Variants in CUTC observed in about 807,000 individuals in gnomAD.
CUTC encodes the protein copper homeostasis protein cutC homolog.
Under a neutral mutation model 36.2 loss-of-function variants are expected in CUTC, and 27 were observed. That is an observed-to-expected ratio of 0.75 (90% CI 0.55 to 1.03). CUTC has a LOEUF of 1.03. Among genes scored for constraint, CUTC ranks in the 50% least tolerant of loss-of-function variants. CUTC has a pLI of 0.00. For synonymous variants in CUTC, 114 were observed against 118.3 expected (o/e 0.96, Z 0.24); for missense variants, 315 against 343.5 (o/e 0.92, Z 0.66).
At chr10:99,746,892 C>G (rs796222300) in intron 5 of CUTC, among the ~76,000 whole-genome samples, 10 of 152,324 alleles carry the variant, frequency 6.6e-5, no homozygotes, top group African/African-American at 2.2e-4. Context: ...CCATCTCAGC[C>G]TCTCGAGTAG....
rs530806020 is a variant in CUTC, at chr10:99,737,714, A to G, written c.133+1397A>G. On this transcript the variant is annotated intron_variant, in intron 2 of 8. Transcript: ENST00000370476. ...TAGTTTGCAGGCCATAGCCAAAACAAGCTATGTGCCCATAGCCCACATGCC... is the reference window on the plus strand; with the variant it reads ...TAGTTTGCAGGCCATAGCCAAAACAGGCTATGTGCCCATAGCCCACATGCC... 8.5e-5 allele frequency among the ~76,000 whole-genome samples: 13 copies of G among 152,350 alleles called. No individual in the cohort carries two copies. In the East Asian group the frequency reaches 2.5e-3, roughly 29 times the overall value.
chr10:99,751,166 A>G lies in CUTC; in HGVS notation c.601+770A>G, dbSNP rs146650212. ...TTATTAAAGTTAAATTGAAAGCATC[A>G]TGGCATTTTATCTTTATTTATCTCT... On this transcript the variant is annotated intron_variant, in intron 7 of 8. Coordinates refer to ENST00000370476, the MANE Select transcript of CUTC (RefSeq NM_015960.3). Among the ~76,000 whole-genome samples the G allele has an allele frequency of 7.4e-3, 1,123 of 152,324 alleles. 5 individuals are homozygous for G. Among genetic ancestry groups the G allele is most frequent in the Non-Finnish European group, 0.013 (863 of 68,032 alleles).
intron 3 of CUTC, among the ~76,000 whole-genome samples, chr10:99,740,109 CA>C (rs2037330871): frequency 6.6e-6 from 1 of 152,102 alleles, no homozygotes; most frequent in African/African-American, 2.4e-5. Flanking sequence ...ATATTTTACT[CA>C]TACATATATC....
intron 1 of CUTC, chr10:99,732,617 G>A: frequency 1.4e-6 from 2 of 1,422,836 alleles, no homozygotes; most frequent in Non-Finnish European, 1.8e-6. Context: ...CAGCTGTGGA[G>A]CCAAGGTTCG....
rs183885862 is a variant in CUTC, at chr10:99,747,543, C to T, written c.573+153C>T. The T allele has an allele frequency of 6.4e-6, 5 of 776,620 alleles. No individual in the cohort carries two copies. In the South Asian group the frequency reaches 1.1e-4, roughly 16 times the overall value. 48.1% of individuals were successfully genotyped at this position (776,620 alleles called of 1,614,324 possible). A position where few individuals can be genotyped will look rare whatever the true frequency, so the allele number is the denominator to read the frequency against. On this transcript the variant is annotated intron_variant, in intron 6 of 8. Coordinates refer to ENST00000370476, the MANE Select transcript of CUTC (RefSeq NM_015960.3). ...GCAATAATGTATATAATTCTTATTT[C>T]TTTCACACAAGCCTTTTTAATAACC... is the stretch of plus-strand genomic sequence containing the variant.
In CUTC at chr10:99,754,545, C is replaced by G; in HGVS notation, c.618C>G (p.Asp206Glu). 11 of 1,612,328 alleles carry G rather than the reference C, an allele frequency of 6.8e-6. No homozygotes were observed. The highest frequency in any genetic ancestry group is 9.3e-6 in the Non-Finnish European group (11 of 1,178,662). Reference protein sequence around the residue: ...IVVMPGGGITDRNLQRILEGS... With the variant: ...IVVMPGGGITERNLQRILEGS... ...TTGCAACAGGAGGTGGTATAACAGA[C>G]AGAAATCTACAAAGGATCCTTGAGG... The change falls in exon 8 of 9, where the codon GAC becomes GAG. Residue 206 changes from aspartate to glutamate, a missense_variant. Transcript: ENST00000370476.
intron 1 of CUTC, among the ~76,000 whole-genome samples, chr10:99,735,238 T>C (rs1180679503): frequency 6.6e-6 from 1 of 151,556 alleles, no homozygotes. Context: ...GTTTCATAAC[T>C]CATGAAGAGT....
At chr10:99,732,562 T>A in intron 1 of CUTC, 153 bp downstream of exon 1, 1 of 1,445,202 alleles carries the variant, frequency 6.9e-7, no homozygotes, top group Middle Eastern at 2.6e-4. Flanking sequence ...GCGTTAAAGG[T>A]GTGGAAACGG....
chr10:99,735,626 T>G (rs995529473), intron 1 of CUTC, among the ~76,000 whole-genome samples: 4 of 152,238 alleles, frequency 2.6e-5, no homozygotes, highest in African/African-American at 9.6e-5. Context: ...CAGGCTGATC[T>G]CCAATTCCTG....
At position 99,755,718 on chromosome 10, in the gene CUTC, C is replaced by T. The variant is rs370349081; in HGVS notation, c.801C>T (p.Ile267=). Residue 267 remains isoleucine (I), a synonymous_variant, in exon 9 of 9, where the codon ATC becomes ATT. Transcript: ENST00000370476. The part of the protein sequence containing the change: ...DVTKVRTLNA[I]AKNILV The stretch of plus-strand genomic sequence containing the variant: ...CCAAAGTAAGGACTTTGAATGCTAT[C>T]GCAAAGAACATCCTGGTGTAGCCAG... 1.3e-4 allele frequency: 217 copies of T among 1,611,714 alleles called. No homozygotes were observed. The highest frequency in any genetic ancestry group is 1.8e-4 in the Non-Finnish European group (207 of 1,178,066).
intron 1 of CUTC, among the ~76,000 whole-genome samples, chr10:99,735,114 A>C (rs2037285096): frequency 6.6e-6 from 1 of 151,074 alleles, no homozygotes; most frequent in Non-Finnish European, 1.5e-5. Context: ...AAAAAAAAAA[A>C]AAAAAAAAAA....
chr10:99,752,439 A>G (rs1236250361), intron 7 of CUTC, among the ~76,000 whole-genome samples: 1 of 152,054 alleles, frequency 6.6e-6, no homozygotes, highest in Non-Finnish European at 1.5e-5. Context: ...GAAGGCTTTG[A>G]CCTATAACAA....
At chr10:99,734,868 C>T (rs1055304555) in intron 1 of CUTC, among the ~76,000 whole-genome samples, 7 of 151,904 alleles carry the variant, frequency 4.6e-5, no homozygotes, top group African/African-American at 1.7e-4. Context: ...TTTGGGAGGC[C>T]GAGGCTGGCA....
At position 99,744,043 on chromosome 10, in the gene CUTC, G is replaced by A; in HGVS notation, c.410G>A (p.Cys137Tyr). ...KELCMSLMAI[C>Y]RPLPVTFHRA... is the part of the protein sequence containing the mutation. The stretch of plus-strand genomic sequence containing the variant: ...TATGACTTTCTTTTTATAGCTATTT[G>A]CCGCCCTCTGCCAGTCACTTTCCAC... Residue 137 changes from cysteine to tyrosine, a missense_variant, in exon 5 of 9, where the codon TGC becomes TAC. Coordinates refer to ENST00000370476, the MANE Select transcript of CUTC (RefSeq NM_015960.3). The A allele has an allele frequency of 6.2e-7, 1 of 1,611,894 alleles. No individual in the cohort carries two copies. The highest frequency in any genetic ancestry group is 1.7e-4 in the Middle Eastern group (1 of 6,058).
At chr10:99,750,656 G>A (rs1265921722) in intron 7 of CUTC, among the ~76,000 whole-genome samples, 1 of 152,048 alleles carries the variant, frequency 6.6e-6, no homozygotes, top group African/African-American at 2.4e-5. Context: ...AGAGATTGAG[G>A]TTTCTCCATA....
intron 2 of CUTC, among the ~76,000 whole-genome samples, chr10:99,737,998 T>G (rs1356692963): frequency 6.6e-6 from 1 of 151,808 alleles, no homozygotes; most frequent in African/African-American, 2.4e-5. Context: ...AATACAAAAT[T>G]AGCTGGGCGT....
chr10:99,736,362 G>C, intron 2 of CUTC, 45 bp downstream of exon 2: 1 of 1,431,460 alleles, frequency 7.0e-7, no homozygotes. Flanking sequence ...ACCCTTTTAA[G>C]AGTCTGAAAA....
intron 1 of CUTC, among the ~76,000 whole-genome samples, chr10:99,734,357 G>A (rs555764900): frequency 4.7e-4 from 72 of 152,226 alleles, no homozygotes; most frequent in African/African-American, 1.7e-3. Context: ...GTGAGCCACC[G>A]CGCCGGACAG....
intron 6 of CUTC, among the ~76,000 whole-genome samples, chr10:99,748,665 G>C (rs114774409): frequency 6.6e-6 from 1 of 152,182 alleles, no homozygotes; most frequent in Non-Finnish European, 1.5e-5. Context: ...TTGGGGAAAT[G>C]AAGGTTGGCA....
Sources: allele counts gnomAD v4.1 joint callset (sites outside exome capture counted in the v4.1 genomes callset), GRCh38; gene constraint gnomAD v4.1.1; transcripts MANE v1.5; gene names NCBI Gene and HGNC (gene_info 2026-07-23, HGNC 2026-07-21).